Variants in FBXW7 observed in about 807,000 individuals in gnomAD.
FBXW7 encodes the protein F-box and WD repeat domain containing 7.
A neutral mutation model predicts 86.3 loss-of-function variants in FBXW7; 11 were observed. That is an observed-to-expected ratio of 0.13 (90% CI 0.08 to 0.21). FBXW7 has a LOEUF of 0.21. FBXW7 is among the 10% of genes least tolerant of loss of function. The probability of loss-of-function intolerance (pLI) is 1.00; values close to 1 mark genes in which losing one functional copy is unlikely to be tolerated. For missense variants in FBXW7, 488 were observed against 847.4 expected, an observed-to-expected ratio of 0.58 and a Z score of 5.27; for synonymous variants, 313 against 297.9, an observed-to-expected ratio of 1.05 and a Z score of -0.52.
chr4:152,441,014 TTC>T (rs1489295107), intron 2 of FBXW7, among the ~76,000 whole-genome samples: 1 of 152,158 alleles, frequency 6.6e-6, no homozygotes, highest in African/African-American at 2.4e-5. Flanking sequence ...CAATATATCT[TTC>T]TTATTGAAAT....
intron 2 of FBXW7, among the ~76,000 whole-genome samples, chr4:152,496,430 G>A (rs1259024105): frequency 3.9e-5 from 6 of 151,916 alleles, no homozygotes; most frequent in African/African-American, 1.5e-4. Flanking sequence ...AGTGGCTCAC[G>A]CCTATAATCC....
chr4:152,402,776 G>A (rs1737060791), intron 4 of FBXW7, among the ~76,000 whole-genome samples: 1 of 152,194 alleles, frequency 6.6e-6, no homozygotes, highest in Admixed American at 6.5e-5. Flanking sequence ...GTCTGGAGAA[G>A]ATCACAGATG....
chr4:152,347,242 T>C (rs1158213563), intron 5 of FBXW7, among the ~76,000 whole-genome samples, 171 bp from the exon 6 acceptor site: 3 of 152,194 alleles, frequency 2.0e-5, no homozygotes, highest in Non-Finnish European at 2.9e-5. Context: ...ACACAAAACC[T>C]ATTTGCTATT....
chr4:152,502,663 A>T (rs1346563181), intron 2 of FBXW7, among the ~76,000 whole-genome samples: 1 of 152,160 alleles, frequency 6.6e-6, no homozygotes, highest in African/African-American at 2.4e-5. Flanking sequence ...AGCAATACAC[A>T]ATCAAGTAGA....
At chr4:152,507,319 A>G (rs1044511727) in intron 2 of FBXW7, among the ~76,000 whole-genome samples, 1 of 152,348 alleles carries the variant, frequency 6.6e-6, no homozygotes, top group African/African-American at 2.4e-5. Context: ...AAACATTCCT[A>G]TATCATATAA....
intron 12 of FBXW7, chr4:152,325,358 A>T (rs1038555831): frequency 6.6e-6 from 1 of 152,280 alleles, no homozygotes; most frequent in Non-Finnish European, 1.5e-5. Context: ...AGCTATAGGA[A>T]ATATTTTTAC....
chr4:152,351,905 A>G (rs1051812396), intron 4 of FBXW7, among the ~76,000 whole-genome samples: 2 of 152,146 alleles, frequency 1.3e-5, no homozygotes, highest in African/African-American at 4.8e-5. Flanking sequence ...AAAGGATTTT[A>G]TTTTAAAAAT....
At chr4:152,338,971 A>G (rs1295960104) in intron 6 of FBXW7, among the ~76,000 whole-genome samples, 1 of 152,182 alleles carries the variant, frequency 6.6e-6, no homozygotes, top group African/African-American at 2.4e-5. Flanking sequence ...TTGATCCAAG[A>G]CATGAAATAT....
At chr4:152,479,668 C>G (rs1256979737) in intron 2 of FBXW7, among the ~76,000 whole-genome samples, 2 of 152,084 alleles carry the variant, frequency 1.3e-5, no homozygotes, top group Admixed American at 1.3e-4. Context: ...AAACATTAGG[C>G]AAGAATACAC....
rs141734355 is a variant in FBXW7 at position 152,449,200 on chromosome 4, T to G, written c.-119-36671A>C. Among the ~76,000 whole-genome samples the G allele has an allele frequency of 3.9e-5, 6 of 152,312 alleles. No individual in the cohort carries two copies. In the East Asian group the frequency reaches 1.2e-3, roughly 29 times the overall value. On this transcript the variant is annotated intron_variant, in intron 2 of 13. Coordinates refer to ENST00000281708, the MANE Select transcript of FBXW7 (RefSeq NM_001349798.2). Reference sequence around the variant, plus strand: ...ACAATTCAAGAAGCCTGCCAAATACTCACAGTAAGAATAATCAACAAATTT... The same window carrying G: ...ACAATTCAAGAAGCCTGCCAAATACGCACAGTAAGAATAATCAACAAATTT...
intron 2 of FBXW7, among the ~76,000 whole-genome samples, chr4:152,526,235 A>G (rs972909831): frequency 1.3e-4 from 20 of 152,124 alleles, no homozygotes; most frequent in Non-Finnish European, 5.9e-5. Flanking sequence ...CCAAGAATGT[A>G]TCTCAGTCTT....
At chr4:152,327,791 T>C (rs1729179728) in intron 11 of FBXW7, among the ~76,000 whole-genome samples, 1 of 151,866 alleles carries the variant, frequency 6.6e-6, no homozygotes, top group Non-Finnish European at 1.5e-5. Context: ...TGCCTAGACT[T>C]AGAGATAGGG....
chr4:152,454,478 T>C (rs1170136610), intron 2 of FBXW7, among the ~76,000 whole-genome samples: 2 of 152,130 alleles, frequency 1.3e-5, no homozygotes. Flanking sequence ...ACTAGCAATA[T>C]AGCATCAGAC....
chr4:152,381,094 A>T (rs1055071050), intron 4 of FBXW7, among the ~76,000 whole-genome samples: 1 of 152,114 alleles, frequency 6.6e-6, no homozygotes, highest in African/African-American at 2.4e-5. Context: ...TTTTAACCTC[A>T]TGTAAAAGTT....
intron 2 of FBXW7, among the ~76,000 whole-genome samples, chr4:152,496,894 A>C (rs1746399942): frequency 6.6e-6 from 1 of 152,238 alleles, no homozygotes; most frequent in Admixed American, 6.5e-5. Flanking sequence ...TCAGATAACA[A>C]GATTTATATC....
chr4:152,530,535 T>A (rs1749936987), intron 2 of FBXW7: 1 of 152,246 alleles, frequency 6.6e-6, no homozygotes, highest in Admixed American at 6.5e-5. Context: ...ACTTTTTAGC[T>A]GCATCCCTTT....
intron 2 of FBXW7, among the ~76,000 whole-genome samples, chr4:152,492,816 G>C (rs1305616385): frequency 6.6e-6 from 1 of 152,016 alleles, no homozygotes; most frequent in Non-Finnish European, 1.5e-5. Flanking sequence ...AGGTAGATTA[G>C]GGTCAAATCA....
At chr4:152,511,101 C>T (rs913252702) in intron 2 of FBXW7, among the ~76,000 whole-genome samples, 1 of 149,098 alleles carries the variant, frequency 6.7e-6, no homozygotes, top group Non-Finnish European at 1.5e-5. Flanking sequence ...TGGTCTCAAA[C>T]TCCTGGGCCC....
chr4:152,387,591 G>C (rs1579066079), intron 4 of FBXW7, among the ~76,000 whole-genome samples: 1 of 106,746 alleles, frequency 9.4e-6, no homozygotes, highest in East Asian at 3.0e-4. Context: ...TATCAAGCTT[G>C]TATTAGCAAA....
Sources: allele counts gnomAD v4.1 joint callset (sites outside exome capture counted in the v4.1 genomes callset), GRCh38; gene constraint gnomAD v4.1.1; transcripts MANE v1.5; gene names NCBI Gene and HGNC (gene_info 2026-07-23, HGNC 2026-07-21).